Variants in HSD17B6 observed in about 807,000 individuals in gnomAD.
HSD17B6 encodes 17-beta-hydroxysteroid dehydrogenase type 6.
HSD17B6 carries 16 observed loss-of-function variants against 26.4 expected under a neutral mutation model. The ratio of observed to expected loss-of-function variants is 0.61; its 90% CI spans 0.41 to 0.92. The LOEUF (loss-of-function observed/expected upper bound fraction) is 0.92. Among genes scored for constraint, HSD17B6 ranks in the 40% least tolerant of loss-of-function variants. The pLI is 0.00. For missense variants in HSD17B6, 357 were observed against 386.1 expected (o/e 0.92, Z 0.63); for synonymous variants, 139 against 153.0 (o/e 0.91, Z 0.68).
At chr12:56,769,481 G>A (rs1954423004) in intron 1 of HSD17B6, among the ~76,000 whole-genome samples, 1 of 152,210 alleles carries the variant, frequency 6.6e-6, no homozygotes, top group African/African-American at 2.4e-5. Flanking sequence ...GAAATAAACA[G>A]TGGAAGTTCT....
chr12:56,768,754 T>G (rs1954399746), intron 1 of HSD17B6, among the ~76,000 whole-genome samples: 1 of 145,192 alleles, frequency 6.9e-6, no homozygotes. Flanking sequence ...GTTTGCCTTA[T>G]ATTGGCGGTG....
chr12:56,785,425 G>T (rs1255706626), intron 4 of HSD17B6, among the ~76,000 whole-genome samples: 1 of 152,216 alleles, frequency 6.6e-6, no homozygotes, highest in Non-Finnish European at 1.5e-5. Flanking sequence ...CATGAGAAGG[G>T]GAAAAGAGGG....
chr12:56,780,404 A>G (rs1477274772), intron 2 of HSD17B6, among the ~76,000 whole-genome samples: 1 of 152,254 alleles, frequency 6.6e-6, no homozygotes, highest in African/African-American at 2.4e-5. Context: ...AGCTCCCACA[A>G]TTTAACCTAA....
At chr12:56,776,562 C>T (rs1308602561) in intron 2 of HSD17B6, among the ~76,000 whole-genome samples, 1 of 152,140 alleles carries the variant, frequency 6.6e-6, no homozygotes, top group East Asian at 1.9e-4. Flanking sequence ...CCAACCTTGG[C>T]TTCCCAGTGT....
chr12:56,779,105 ACATTTCTTT>A (rs2137919523), intron 2 of HSD17B6, among the ~76,000 whole-genome samples: 1 of 151,904 alleles, frequency 6.6e-6, no homozygotes, highest in Admixed American at 6.6e-5. Context: ...TTTTAGTAGA[ACATTTCTTT>A]CATCTATACT....
chr12:56,772,697 C>CAA lies in HSD17B6; in HGVS notation c.-19-1122_-19-1121dup, dbSNP rs374835392. 3.4e-3 allele frequency among the ~76,000 whole-genome samples: 213 copies of CAA among 62,722 alleles called. 3 individuals carry two copies. The highest frequency in any genetic ancestry group is 0.011 in the African/African-American group (177 of 16,852). The allele number at this position is 62,722 out of a possible 152,430, so 41.1% of individuals were successfully genotyped here. ...GGGCAAAAAGAGTGAAACTCTGTCT[C>CAA]AAAAAAAAAAAAAAAAGAAAAAAAA... On this transcript the variant is annotated intron_variant, in intron 1 of 4. Coordinates refer to ENST00000322165, the MANE Select transcript of HSD17B6 (RefSeq NM_003725.4).
chr12:56,785,002 A>G lies in HSD17B6; in HGVS notation c.722A>G (p.Gln241Arg), dbSNP rs1477723002. The stretch of plus-strand genomic sequence containing the variant: ...CATATTAAGGAGACCTATGGACAGC[A>G]GTATTTTGATGCCCGTAAGCTTTTT... Reference protein sequence around the residue: ...PKHIKETYGQQYFDALYNIMK... With the variant: ...PKHIKETYGQRYFDALYNIMK... The change falls in exon 4 of 5, where the codon CAG becomes CGG. Residue 241 changes from glutamine (Q) to arginine (R), a missense_variant. Coordinates refer to ENST00000322165, the MANE Select transcript of HSD17B6 (RefSeq NM_003725.4). The G allele has an allele frequency of 1.9e-6, 3 of 1,611,760 alleles. No individual in the cohort carries two copies. The highest frequency in any genetic ancestry group is 2.5e-6 in the Non-Finnish European group (3 of 1,179,492).
At chr12:56,781,505 A>G (rs1418691356) in intron 2 of HSD17B6, among the ~76,000 whole-genome samples, 1 of 152,236 alleles carries the variant, frequency 6.6e-6, no homozygotes, top group African/African-American at 2.4e-5. Flanking sequence ...CCTTTTATTT[A>G]AAAATTATAT....
chr12:56,777,688 A>G (rs1429420745), intron 2 of HSD17B6, among the ~76,000 whole-genome samples: 2 of 152,108 alleles, frequency 1.3e-5, no homozygotes, highest in East Asian at 1.9e-4. Context: ...TTAAAAAACA[A>G]TTTACTTTAA....
rs754883661 is a variant in HSD17B6 at position 56,787,311 on chromosome 12, G to C, written c.923G>C (p.Arg308Thr). Residue 308 changes from arginine (R) to threonine (T), a missense_variant, in exon 5 of 5, where the codon AGA (arginine) becomes ACA (threonine). Physicochemically the swap from Arg to Thr is moderately conservative, Grantham distance 71. Coordinates refer to ENST00000322165, the MANE Select transcript of HSD17B6 (RefSeq NM_003725.4). Reference protein sequence around the residue: ...PTSLADYILTRSWPKPAQAV With the variant: ...PTSLADYILTTSWPKPAQAV ...TCACTGGCAGACTACATTTTGACTA[G>C]ATCTTGGCCCAAACCAGCCCAGGCA... The C allele has an allele frequency of 5.6e-6, 9 of 1,613,916 alleles. No individual in the cohort carries two copies. In the Admixed American group the frequency reaches 1.3e-4, roughly 24 times the overall value.
At chr12:56,780,977 C>T (rs1205696358) in intron 2 of HSD17B6, among the ~76,000 whole-genome samples, 1 of 152,106 alleles carries the variant, frequency 6.6e-6, no homozygotes, top group East Asian at 1.9e-4. Context: ...GACCCTGTCT[C>T]CTTTGTTCAG....
At chr12:56,782,808 C>T (rs1954755132) in intron 3 of HSD17B6, among the ~76,000 whole-genome samples, 1 of 151,924 alleles carries the variant, frequency 6.6e-6, no homozygotes, top group African/African-American at 2.4e-5. Context: ...GTGTTTGTGT[C>T]CCTGGGTACT....
intron 1 of HSD17B6, among the ~76,000 whole-genome samples, chr12:56,765,968 A>T (rs933577057): frequency 6.6e-6 from 1 of 152,176 alleles, no homozygotes; most frequent in Non-Finnish European, 1.5e-5. Context: ...GCCTGAAGCA[A>T]CTGAAGATCC....
chr12:56,775,352 G>A (rs1011136294), intron 2 of HSD17B6, among the ~76,000 whole-genome samples: 2 of 151,928 alleles, frequency 1.3e-5, no homozygotes, highest in African/African-American at 4.8e-5. Context: ...CAATTAGCTG[G>A]GATTAGAAGC....
At chr12:56,767,696 A>G (rs1200716555) in intron 1 of HSD17B6, among the ~76,000 whole-genome samples, 1 of 144,942 alleles carries the variant, frequency 6.9e-6, no homozygotes, top group East Asian at 2.0e-4. Context: ...AATAGAGGGT[A>G]TATTATATAT....
intron 1 of HSD17B6, among the ~76,000 whole-genome samples, chr12:56,767,308 C>G (rs950217852): frequency 1.3e-5 from 2 of 151,196 alleles, no homozygotes; most frequent in Non-Finnish European, 2.9e-5. Context: ...GTCAGGAGAT[C>G]GAGACCATCC....
At chr12:56,776,808 C>T (rs968681111) in intron 2 of HSD17B6, among the ~76,000 whole-genome samples, 6 of 152,144 alleles carry the variant, frequency 3.9e-5, no homozygotes, top group South Asian at 2.1e-4. Flanking sequence ...TGAGCTACTG[C>T]GTCAAGCCTG....
intron 2 of HSD17B6, among the ~76,000 whole-genome samples, chr12:56,779,387 C>T (rs1221193867): frequency 6.6e-6 from 1 of 152,170 alleles, no homozygotes; most frequent in Non-Finnish European, 1.5e-5. Context: ...ATCTTAATGC[C>T]TCAGCTTCCC....
chr12:56,778,063 G>T (rs1954630666), intron 2 of HSD17B6, among the ~76,000 whole-genome samples: 1 of 152,074 alleles, frequency 6.6e-6, no homozygotes, highest in South Asian at 2.1e-4. Flanking sequence ...CCAACTTCTG[G>T]CACCTTGCCT....
Sources: allele counts gnomAD v4.1 joint callset (sites outside exome capture counted in the v4.1 genomes callset), GRCh38; gene constraint gnomAD v4.1.1; transcripts MANE v1.5; gene names NCBI Gene and HGNC (gene_info 2026-07-23, HGNC 2026-07-21).